The following BMPER variants were observed in gnomAD, a reference collection of about 807,000 sequenced individuals.
BMPER encodes the protein BMP binding endothelial regulator.
BMPER carries 45 observed loss-of-function variants against 87.3 expected under a neutral mutation model. The observed-to-expected ratio is 0.52, with a 90% CI of 0.41 to 0.66. The LOEUF is 0.66. BMPER is among the 30% of genes least tolerant of loss of function. The pLI, the probability that BMPER is intolerant of heterozygous loss-of-function variation, is 0.00. For synonymous variants in BMPER, 326 were observed against 316.2 expected (o/e 1.03, Z -0.33); for missense variants, 784 against 867.5 (o/e 0.90, Z 1.21).
chr7:34,023,802 C>T (rs1477695647), intron 6 of BMPER, among the ~76,000 whole-genome samples: 1 of 151,952 alleles, frequency 6.6e-6, no homozygotes, highest in Non-Finnish European at 1.5e-5. Context: ...TTTGTGATCA[C>T]TTGGGTTTAG....
chr7:34,081,026 T>A (rs2127974986), intron 12 of BMPER, among the ~76,000 whole-genome samples: 1 of 152,254 alleles, frequency 6.6e-6, no homozygotes, highest in African/African-American at 2.4e-5. Flanking sequence ...CTTTCCAAGA[T>A]GCAAGTAATT....
intron 6 of BMPER, among the ~76,000 whole-genome samples, chr7:33,995,343 G>T (rs1205659118): frequency 6.6e-6 from 1 of 152,012 alleles, no homozygotes; most frequent in Non-Finnish European, 1.5e-5. Context: ...GGATTTGTGG[G>T]TTCTGTTTGC....
At chr7:33,908,795 G>A (rs1458124651) in intron 2 of BMPER, among the ~76,000 whole-genome samples, 1 of 152,214 alleles carries the variant, frequency 6.6e-6, no homozygotes. Context: ...GAAAGGCTCA[G>A]TGATATGTTA....
chr7:34,046,351 TG>T lies in BMPER; in HGVS notation c.623del (p.Cys208PhefsTer118). On this transcript the variant is annotated frameshift_variant, in exon 7 of 15. Transcript: ENST00000649409. LOFTEE classifies it high-confidence loss of function. ...GAGAGAAGTCTGTCCCATTCTCTCC[TG>T]TCCCCAGCACCTTAGTCACATACCC... ...CVREVCPILS[C>X]PQHLSHIPPG... 1 of 1,614,118 alleles carries T rather than the reference TG, an allele frequency of 6.2e-7. No homozygotes were observed. Among genetic ancestry groups the T allele is most frequent in the Non-Finnish European group, 8.5e-7 (1 of 1,179,974 alleles).
At chr7:34,117,991 C>T (rs1790160241) in intron 13 of BMPER, among the ~76,000 whole-genome samples, 1 of 152,148 alleles carries the variant, frequency 6.6e-6, no homozygotes, top group African/African-American at 2.4e-5. Context: ...ATTTACTTAA[C>T]CGAGCTTTGA....
chr7:33,994,395 T>C (rs1173792892), intron 6 of BMPER, among the ~76,000 whole-genome samples: 1 of 152,222 alleles, frequency 6.6e-6, no homozygotes, highest in Non-Finnish European at 1.5e-5. Context: ...AGGTGCCGTC[T>C]GTCACCCCTT....
At chr7:34,072,959 A>AT (rs1229541649) in intron 11 of BMPER, among the ~76,000 whole-genome samples, 29 of 152,046 alleles carry the variant, frequency 1.9e-4, no homozygotes, top group Non-Finnish European at 3.5e-4. Flanking sequence ...GACTTTTCAG[A>AT]ATTTTTTTTC....
At chr7:33,998,796 G>A (rs1021751331) in intron 6 of BMPER, among the ~76,000 whole-genome samples, 1 of 152,236 alleles carries the variant, frequency 6.6e-6, no homozygotes, top group African/African-American at 2.4e-5. Flanking sequence ...AGATGACAGA[G>A]TCTGGCGCAG....
chr7:34,153,699 G>A lies in BMPER; in HGVS notation c.*426G>A, dbSNP rs918049122. ...CAGGATTTGTAATGGAGTGGGAAAT[G>A]TGTTTCTCTGGAGAAGGGCACATTT... On this transcript the variant is annotated 3_prime_UTR_variant, in exon 15 of 15. Transcript: ENST00000649409. 3.6e-5 allele frequency: 7 copies of A among 194,772 alleles called. No individual in the cohort carries two copies. The highest frequency in any genetic ancestry group is 8.3e-5 in the South Asian group (1 of 12,006). The allele number at this position is 194,772 out of a possible 1,614,324, so 12.1% of individuals were successfully genotyped here.
intron 13 of BMPER, among the ~76,000 whole-genome samples, chr7:34,126,869 A>T (rs7794197): frequency 0.25 from 38,079 of 151,876 alleles, 6,119 homozygotes; most frequent in Admixed American, 0.39. Context: ...TCTCTTTTTT[A>T]AAAAAAATGT....
Position 34,055,246 on chromosome 7 carries a change from C to T in BMPER, c.870C>T (p.Leu290=). 1 of 1,614,116 alleles carries T rather than the reference C, an allele frequency of 6.2e-7. No homozygotes were observed. The highest frequency in any genetic ancestry group is 2.2e-5 in the East Asian group (1 of 44,874). ...QGQEGCCEEC[L]LRVPPEDIKV... is the part of the protein sequence containing the mutation. ...AGGAGGGCTGTTGTGAAGAGTGCCT[C>T]CTACGAGTGCCCCCAGAAGACATCA... Residue 290 remains leucine (L), a synonymous_variant, in exon 9 of 15, where the codon CTC becomes CTT. Transcript: ENST00000649409.
intron 9 of BMPER, among the ~76,000 whole-genome samples, chr7:34,056,616 C>CTT (rs34663962): frequency 8.4e-5 from 11 of 131,146 alleles, no homozygotes; most frequent in African/African-American, 1.4e-4. Flanking sequence ...GTGCAATGCA[C>CTT]TTTTTTTTTT....
chr7:34,069,122 T>A (rs540360020), intron 11 of BMPER, among the ~76,000 whole-genome samples: 4 of 152,220 alleles, frequency 2.6e-5, no homozygotes, highest in Non-Finnish European at 5.9e-5. Flanking sequence ...GGCTGCCATG[T>A]TGAATCTCAG....
intron 6 of BMPER, among the ~76,000 whole-genome samples, chr7:33,991,171 G>T (rs1370180561): frequency 2.7e-5 from 4 of 148,712 alleles, no homozygotes; most frequent in Admixed American, 1.4e-4. Context: ...CTATTGATTG[G>T]AATAGTTTCA....
At chr7:34,105,486 G>A (rs745680324) in intron 13 of BMPER, among the ~76,000 whole-genome samples, 10 of 152,206 alleles carry the variant, frequency 6.6e-5, no homozygotes, top group Non-Finnish European at 1.3e-4. Flanking sequence ...TGGAAACCAA[G>A]TTCACCATAG....
intron 3 of BMPER, among the ~76,000 whole-genome samples, chr7:33,957,146 A>T (rs1189904991): frequency 6.6e-6 from 1 of 152,090 alleles, no homozygotes; most frequent in East Asian, 1.9e-4. Flanking sequence ...TGTGATGAAT[A>T]AATGTTCATC....
intron 3 of BMPER, among the ~76,000 whole-genome samples, chr7:33,938,860 T>C (rs1784677879): frequency 6.6e-6 from 1 of 152,104 alleles, no homozygotes; most frequent in Non-Finnish European, 1.5e-5. Context: ...ACCCTGTCTC[T>C]ACTAAAAATA....
At chr7:33,967,379 A>C (rs976378020) in intron 4 of BMPER, among the ~76,000 whole-genome samples, 7 of 152,256 alleles carry the variant, frequency 4.6e-5, no homozygotes, top group Non-Finnish European at 1.0e-4. Flanking sequence ...GGTTAGTATA[A>C]TAATGGATAT....
intron 14 of BMPER, among the ~76,000 whole-genome samples, chr7:34,149,894 C>CACTGGCTAAAATGACTGTAAATTCTTCCA (rs1404013065): frequency 1.9e-4 from 29 of 151,914 alleles, no homozygotes; most frequent in Non-Finnish European, 2.6e-4. Flanking sequence ...AAATTCTTCC[C>CACTGGCTAAAATGACTGTAAATTCTTCCA]CAAAGTCTGG....
Sources: gnomAD v4.1 joint callset for allele counts (sites outside exome capture counted in the v4.1 genomes callset) on GRCh38, gnomAD v4.1.1 for gene constraint, MANE v1.5 for transcripts, NCBI Gene and HGNC (gene_info 2026-07-23, HGNC 2026-07-21) for gene names.